The following HOXA3 variants were observed in gnomAD, a reference collection of about 807,000 sequenced individuals.
The protein encoded by HOXA3 is homeobox A3, also known as homeobox protein Hox-A3.
In HOXA3, 8 loss-of-function variants were observed where a neutral mutation model predicts 30.3. The ratio of observed to expected loss-of-function variants is 0.26; its 90% CI spans 0.15 to 0.48. The LOEUF is 0.48. Ranked by LOEUF, HOXA3 falls within the 20% of genes least tolerant of loss-of-function variation. HOXA3 has a pLI of 0.99. For synonymous variants in HOXA3, 323 were observed against 273.1 expected, an observed-to-expected ratio of 1.18 and a Z score of -1.80; for missense variants, 653 against 614.4, an observed-to-expected ratio of 1.06 and a Z score of -0.66.
intron 4 of HOXA3, among the ~76,000 whole-genome samples, chr7:27,120,499 C>T (rs944593645): frequency 6.9e-6 from 1 of 145,014 alleles, no homozygotes; most frequent in African/African-American, 2.6e-5. Context: ...TGAGATCGTA[C>T]CACTGCACTC....
At chr7:27,134,579 T>C (rs935874363) in intron 2 of HOXA3, among the ~76,000 whole-genome samples, 1 of 152,116 alleles carries the variant, frequency 6.6e-6, no homozygotes, top group African/African-American at 2.4e-5. Flanking sequence ...CATCGAGGGG[T>C]TTCAGTTTTC....
At chr7:27,133,604 T>C (rs1257079585) in intron 2 of HOXA3, among the ~76,000 whole-genome samples, 2 of 152,102 alleles carry the variant, frequency 1.3e-5, no homozygotes, top group Non-Finnish European at 2.9e-5. Context: ...TCCCATTAGG[T>C]GAAATAACTT....
chr7:27,145,987 C>T, intron 1 of HOXA3: 1 of 1,534,326 alleles, frequency 6.5e-7, no homozygotes. Context: ...CCCAGTGCCT[C>T]CCACAAGAGG....
rs1178255984 is a variant in HOXA3, at chr7:27,152,417, T to C, written c.-623A>G. On this transcript the variant is annotated 5_prime_UTR_variant, in exon 1 of 6. Coordinates refer to ENST00000612286, the MANE Select transcript of HOXA3 (RefSeq NM_153631.3). ...TTAGCCAGGTTGCGAGTTGCAAAGC[T>C]GCTGCCGCGGCGCCGGGAACGGAGC... The C allele has an allele frequency of 8.7e-7, 1 of 1,156,048 alleles. No individual in the cohort carries two copies. The highest frequency in any genetic ancestry group is 1.1e-6 in the Non-Finnish European group (1 of 923,084). 71.6% of individuals were successfully genotyped at this position (1,156,048 alleles called of 1,614,324 possible).
intron 2 of HOXA3, chr7:27,130,801 C>CTCCCCCTCCTGCCTCGCTTCCCA: frequency 1.4e-6 from 2 of 1,470,036 alleles, no homozygotes; most frequent in Non-Finnish European, 1.9e-6. Flanking sequence ...GCCGAGGCCC[C>CTCCCCCTCCTGCCTCGCTTCCCA]TCCCCCTCCT....
In HOXA3 at chr7:27,108,399, A is replaced by G. The variant is rs1477733468; in HGVS notation, c.848T>C (p.Leu283Pro). The part of the protein sequence containing the change: ...AGGYLNSMHS[L>P]VNSVPYEPQS... ...GGGCTCATACGGGACGCTGTTGACCAGCGAATGCATAGAGTTCAGATAGCC... is the reference window on the plus strand; with the variant it reads ...GGGCTCATACGGGACGCTGTTGACCGGCGAATGCATAGAGTTCAGATAGCC... The change falls in exon 6 of 6, where the codon CTG becomes CCG. Residue 283 changes from leucine (L) to proline (P), a missense_variant. Leu to Pro is a moderately conservative substitution (Grantham distance 98, BLOSUM62 -3). This residue lies in a region of HOXA3 where 330 missense variants were observed against 274.4 expected (regional missense o/e 1.20). Coordinates refer to ENST00000612286, the MANE Select transcript of HOXA3 (RefSeq NM_153631.3). This position sits in a 1 kb window ranked among gnomAD's most constrained non-coding sequence, Gnocchi z 5.0. 8 of 1,605,896 alleles carry G rather than the reference A, an allele frequency of 5.0e-6. No individual in the cohort carries two copies. Among genetic ancestry groups the G allele is most frequent in the Non-Finnish European group, 6.8e-6 (8 of 1,174,894 alleles).
At chr7:27,123,699 A>G (rs913271842) in intron 3 of HOXA3, 4 of 152,222 alleles carry the variant, frequency 2.6e-5, no homozygotes, top group African/African-American at 9.7e-5. Context: ...CCTTCACGCA[A>G]TTCTGTAGAT....
intron 3 of HOXA3, chr7:27,124,721 A>T (rs753132550): frequency 6.6e-6 from 1 of 152,164 alleles, no homozygotes; most frequent in Non-Finnish European, 1.5e-5. Flanking sequence ...GACCTCAAAG[A>T]TTACAATTTC....
chr7:27,145,475 T>G, intron 1 of HOXA3: 1 of 753,274 alleles, frequency 1.3e-6, no homozygotes. Flanking sequence ...TTGTTTTGTT[T>G]TGTTTTGTTT....
intron 1 of HOXA3, among the ~76,000 whole-genome samples, chr7:27,146,365 C>T (rs576323758): frequency 1.1e-4 from 16 of 152,026 alleles, no homozygotes; most frequent in African/African-American, 2.9e-4. Flanking sequence ...CCAGCCATGT[C>T]GGAACTCAAC....
At chr7:27,115,792 G>A (rs1784692400) in intron 4 of HOXA3, 1 of 152,310 alleles carries the variant, frequency 6.6e-6, no homozygotes, top group African/African-American at 2.4e-5. Context: ...TGGCTCCTGG[G>A]CCGCGGGCCT....
chr7:27,145,003 A>T (rs1782699469), intron 1 of HOXA3, among the ~76,000 whole-genome samples: 1 of 152,074 alleles, frequency 6.6e-6, no homozygotes. Context: ...GCCCAGGTTA[A>T]CTCGCCTCGG....
chr7:27,107,578 T>C lies in HOXA3; in HGVS notation c.*337A>G, dbSNP rs910936888. On this transcript the variant is annotated 3_prime_UTR_variant, in exon 6 of 6. Transcript: ENST00000612286. ...GCCATAATGTAAGAACAAATTCACA[T>C]TGAAAACTCGACTAGAAAATTTGTT... 2.0e-5 allele frequency: 5 copies of C among 244,408 alleles called. No individual in the cohort carries two copies. The highest frequency in any genetic ancestry group is 1.5e-4 in the East Asian group (2 of 13,390). The allele number at this position is 244,408 out of a possible 1,614,324, so 15.1% of individuals were successfully genotyped here.
chr7:27,132,744 T>TA (rs1467219974), intron 2 of HOXA3, among the ~76,000 whole-genome samples: 1 of 152,178 alleles, frequency 6.6e-6, no homozygotes, highest in Non-Finnish European at 1.5e-5. Context: ...GAAAAAATAA[T>TA]ATACACATAG....
intron 4 of HOXA3, among the ~76,000 whole-genome samples, chr7:27,111,192 G>A (rs1005401842): frequency 1.3e-5 from 2 of 152,206 alleles, no homozygotes; most frequent in Non-Finnish European, 2.9e-5. Context: ...GGAACGAGGA[G>A]GCAAAGGGGA....
At chr7:27,140,436 C>T (rs1301493823) in intron 1 of HOXA3, 1 of 152,180 alleles carries the variant, frequency 6.6e-6, no homozygotes, top group Non-Finnish European at 1.5e-5. Flanking sequence ...TGTTTTATAA[C>T]TTTTAAAAGG....
intron 2 of HOXA3, chr7:27,130,944 C>G: frequency 1.7e-6 from 1 of 602,350 alleles, no homozygotes; most frequent in South Asian, 1.8e-5. Flanking sequence ...GCGCCCCGCC[C>G]CGTGCCCCAC....
In HOXA3 at chr7:27,110,709, A is replaced by G; in HGVS notation, c.-69T>C. On this transcript the variant is annotated 5_prime_UTR_variant, in exon 5 of 6. Transcript: ENST00000612286. ...GACACCCGTGAGGGCGCACATTGGCACGCCCCCGCGGTCACGTGACACTCC... is the reference window on the plus strand; with the variant it reads ...GACACCCGTGAGGGCGCACATTGGCGCGCCCCCGCGGTCACGTGACACTCC... 1 of 1,579,488 alleles carries G rather than the reference A, an allele frequency of 6.3e-7. No homozygotes were observed.
chr7:27,143,365 G>A (rs952745648), intron 1 of HOXA3: 12 of 1,586,690 alleles, frequency 7.6e-6, no homozygotes, highest in Non-Finnish European at 9.4e-6. Context: ...TGGGCTCGGC[G>A]GGCGCCGCGC....
Sources: gnomAD v4.1 joint callset for allele counts (sites outside exome capture counted in the v4.1 genomes callset) on GRCh38, gnomAD v4.1.1 for gene constraint, gnomAD v4.1.1 regional missense constraint, Gnocchi (gnomAD v3.1) non-coding constraint, MANE v1.5 for transcripts, NCBI Gene and HGNC (gene_info 2026-07-23, HGNC 2026-07-21) for gene names.